Variants in TUBGCP4 observed in about 807,000 individuals in gnomAD.
The protein encoded by TUBGCP4 is tubulin gamma complex component 4.
A neutral mutation model predicts 91.6 loss-of-function variants in TUBGCP4; 54 were observed. The ratio of observed to expected loss-of-function variants is 0.59; its 90% CI spans 0.47 to 0.74. The LOEUF (loss-of-function observed/expected upper bound fraction) is 0.74, where lower values mean the gene tolerates loss of function less well. TUBGCP4 is among the 30% of genes least tolerant of loss of function. The pLI is 0.00. For synonymous variants in TUBGCP4, 297 were observed against 302.8 expected, an observed-to-expected ratio of 0.98 and a Z score of 0.20; for missense variants, 593 against 800.9, an observed-to-expected ratio of 0.74 and a Z score of 3.13.
chr15:43,404,316 C>A, intron 16 of TUBGCP4, 97 bp from the exon 17 acceptor site: 1 of 1,484,320 alleles, frequency 6.7e-7, no homozygotes, highest in Non-Finnish European at 9.1e-7. Context: ...GAATTTTGAA[C>A]AAGGCTTTTC....
intron 16 of TUBGCP4, 53 bp from the exon 17 acceptor site, chr15:43,404,360 A>G (rs1324300103): frequency 6.2e-7 from 1 of 1,608,606 alleles, no homozygotes; most frequent in Non-Finnish European, 8.5e-7. Flanking sequence ...CATCCTCCAT[A>G]TGGAGAGTTG....
Position 43,408,711 on chromosome 15 carries a change from G to C in TUBGCP4, c.*3497G>C, listed in dbSNP as rs1362114713. On this transcript the variant is annotated 3_prime_UTR_variant, in exon 18 of 18. Coordinates refer to ENST00000564079, the MANE Select transcript of TUBGCP4 (RefSeq NM_014444.5). ...ACAAATCTTCACACATTTGCAAAAG[G>C]TTCCTAGCCAATGTAACCTAGGGAA... 1 of 605,712 alleles carries C rather than the reference G, an allele frequency of 1.7e-6. No homozygotes were observed. The highest frequency in any genetic ancestry group is 2.9e-6 in the Non-Finnish European group (1 of 345,998). The allele number at this position is 605,712 out of a possible 1,614,324, so 37.5% of individuals were successfully genotyped here.
chr15:43,392,661 G>A (rs547582826), intron 9 of TUBGCP4, among the ~76,000 whole-genome samples: 1 of 152,056 alleles, frequency 6.6e-6, no homozygotes, highest in South Asian at 2.1e-4. Context: ...ACTACGCCCG[G>A]CTAATTTTTG....
intron 11 of TUBGCP4, among the ~76,000 whole-genome samples, chr15:43,396,100 C>T (rs1011779004): frequency 1.3e-5 from 2 of 152,174 alleles, no homozygotes; most frequent in Admixed American, 6.5e-5. Flanking sequence ...GGGAAAACTT[C>T]GATTCATTCT....
chr15:43,400,147 C>T lies in TUBGCP4; in HGVS notation c.1522C>T (p.Gln508Ter). The T allele has an allele frequency of 6.2e-7, 1 of 1,614,202 alleles. No individual in the cohort carries two copies. The highest frequency in any genetic ancestry group is 1.3e-5 in the African/African-American group (1 of 75,052). The change falls in exon 14 of 18, where the codon CAG (glutamine) becomes TAG (stop). Residue 508 changes from glutamine to a stop codon, truncating the protein, a stop_gained. Transcript: ENST00000564079. LOFTEE classifies it high-confidence loss of function. ...QMQRKHLKSNQTDAIKWRLRN... is the reference protein window; with the variant it reads ...QMQRKHLKSN Reference sequence around the variant, plus strand: ...GCAGCGCAAGCACCTCAAGTCGAACCAGACTGATGCAATCAAGTGGCGCCT... The same window carrying T: ...GCAGCGCAAGCACCTCAAGTCGAACTAGACTGATGCAATCAAGTGGCGCCT...
In TUBGCP4 at chr15:43,398,070, C is replaced by T. The variant is rs748017076; in HGVS notation, c.1309C>T (p.Arg437Trp). Residue 437 changes from arginine to tryptophan, a missense_variant, in exon 13 of 18, where the codon CGG (arginine) becomes TGG (tryptophan). Coordinates refer to ENST00000564079, the MANE Select transcript of TUBGCP4 (RefSeq NM_014444.5). Reference protein sequence around the residue: ...DATQAREGPSRETSPREAPAS... With the variant: ...DATQAREGPSWETSPREAPAS... ...TACTCAGGCAAGAGAAGGGCCTTCT[C>T]GGGAAACTTCTCCCCGGGAAGCCCC... 1.7e-4 allele frequency: 269 copies of T among 1,613,808 alleles called. No homozygotes were observed. Among genetic ancestry groups the T allele is most frequent in the Non-Finnish European group, 2.1e-4 (253 of 1,179,954 alleles).
intron 9 of TUBGCP4, among the ~76,000 whole-genome samples, chr15:43,389,426 T>C (rs967497776): frequency 7.9e-5 from 12 of 152,192 alleles, no homozygotes; most frequent in Admixed American, 6.5e-4. Flanking sequence ...AGTCTTGCTG[T>C]GTTGCCCAGG....
chr15:43,400,001 G>A, intron 13 of TUBGCP4, 43 bp from the exon 14 acceptor site: 1 of 1,542,524 alleles, frequency 6.5e-7, no homozygotes, highest in Non-Finnish European at 8.8e-7. Context: ...GAAGTGCAGG[G>A]GATGAAATTT....
rs1399598071 is a variant in TUBGCP4 at position 43,407,411 on chromosome 15, T to G, written c.*2197T>G. The G allele has an allele frequency of 9.3e-6, 15 of 1,614,080 alleles. No individual in the cohort carries two copies. Among genetic ancestry groups the G allele is most frequent in the Admixed American group, 5.0e-5 (3 of 60,000 alleles). On this transcript the variant is annotated 3_prime_UTR_variant, in exon 18 of 18. Transcript: ENST00000564079. ...GTGAGAAACATAATCGTGTTTATAT[T>G]TTGGATGCTGCTTGAATCCAATTCT...
At chr15:43,384,905 C>T (rs1477638738) in intron 7 of TUBGCP4, among the ~76,000 whole-genome samples, 2 of 152,090 alleles carry the variant, frequency 1.3e-5, no homozygotes. Flanking sequence ...ACCAAAGATA[C>T]TAACATTGAA....
In TUBGCP4 at chr15:43,407,724, A is replaced by AGTT; in HGVS notation, c.*2511_*2513dup. 3 of 814,448 alleles carry AGTT rather than the reference A, an allele frequency of 3.7e-6. No homozygotes were observed. The highest frequency in any genetic ancestry group is 5.7e-6 in the Non-Finnish European group (3 of 526,040). 50.5% of individuals were successfully genotyped at this position (814,448 alleles called of 1,614,324 possible). On this transcript the variant is annotated 3_prime_UTR_variant, in exon 18 of 18. Coordinates refer to ENST00000564079, the MANE Select transcript of TUBGCP4 (RefSeq NM_014444.5). Reference sequence around the variant, plus strand: ...TGCTACTGATCATGACCAAAGGCAGAGTTATAATCACTATGTGCTGACCTT... The same window carrying AGTT: ...TGCTACTGATCATGACCAAAGGCAGAGTTGTTATAATCACTATGTGCTGACCTT...
At position 43,408,175 on chromosome 15, in the gene TUBGCP4, T is replaced by C; in HGVS notation, c.*2961T>C. The C allele has an allele frequency of 1.5e-6, 2 of 1,352,374 alleles. No homozygotes were observed. The allele number at this position is 1,352,374 out of a possible 1,614,324, so 83.8% of individuals were successfully genotyped here. A position where few individuals can be genotyped will look rare whatever the true frequency, so the allele number is the denominator to read the frequency against. On this transcript the variant is annotated 3_prime_UTR_variant, in exon 18 of 18. Coordinates refer to ENST00000564079, the MANE Select transcript of TUBGCP4 (RefSeq NM_014444.5). ...GCAAAGGGACTCATGTACATCTGAA[T>C]GCTTTCAAAAATAAATGCCCCATCA...
chr15:43,383,181 G>A (rs1017783977), intron 6 of TUBGCP4, 122 bp from the exon 7 acceptor site: 6 of 739,976 alleles, frequency 8.1e-6, no homozygotes, highest in Non-Finnish European at 1.2e-5. Context: ...AATTAAAATA[G>A]CACAATTATT....
chr15:43,398,835 A>G (rs2044623650), intron 13 of TUBGCP4, among the ~76,000 whole-genome samples: 1 of 152,192 alleles, frequency 6.6e-6, no homozygotes, highest in African/African-American at 2.4e-5. Context: ...ACATTATACT[A>G]CTTTTATCTG....
intron 1 of TUBGCP4, among the ~76,000 whole-genome samples, chr15:43,374,340 G>A (rs960871704): frequency 2.6e-5 from 4 of 152,136 alleles, no homozygotes; most frequent in Admixed American, 6.6e-5. Context: ...CAGGCACAGC[G>A]GCTGACACTT....
intron 6 of TUBGCP4, 107 bp from the exon 7 acceptor site, chr15:43,383,196 A>C: frequency 1.2e-6 from 1 of 864,136 alleles, no homozygotes; most frequent in Non-Finnish European, 1.7e-6. Flanking sequence ...ATTATTTTTA[A>C]CTTAATTGGT....
At chr15:43,377,514 T>G (rs557501602) in intron 4 of TUBGCP4, 33 of 303,902 alleles carry the variant, frequency 1.1e-4, no homozygotes, top group Non-Finnish European at 1.8e-4. Flanking sequence ...TCCCAGCTAC[T>G]TGGGAGGCTA....
chr15:43,399,653 A>C (rs1236288458), intron 13 of TUBGCP4, among the ~76,000 whole-genome samples: 1 of 152,238 alleles, frequency 6.6e-6, no homozygotes, highest in Non-Finnish European at 1.5e-5. Context: ...GCCTGCTTTA[A>C]GAATTATAGA....
intron 5 of TUBGCP4, among the ~76,000 whole-genome samples, chr15:43,379,224 G>A (rs1221777572): frequency 6.6e-6 from 1 of 152,164 alleles, no homozygotes; most frequent in African/African-American, 2.4e-5. Context: ...TTGGAGTAGT[G>A]GAAATGTTAT....
Sources: allele counts gnomAD v4.1 joint callset (sites outside exome capture counted in the v4.1 genomes callset), GRCh38; gene constraint gnomAD v4.1.1; transcripts MANE v1.5; gene names NCBI Gene and HGNC (gene_info 2026-07-23, HGNC 2026-07-21).